The following ZNF790 variants were observed in gnomAD, a reference collection of about 807,000 sequenced individuals.
ZNF790 encodes the protein zinc finger protein 790.
ZNF790 carries 8 observed loss-of-function variants against 12.1 expected under a neutral mutation model. The observed-to-expected ratio is 0.66, with a 90% CI of 0.39 to 1.19. ZNF790 has a LOEUF of 1.19. Among genes scored for constraint, ZNF790 ranks in the 50% most tolerant of loss-of-function variants. The pLI is 0.01. For synonymous variants in ZNF790, 252 were observed against 244.3 expected, an observed-to-expected ratio of 1.03 and a Z score of -0.29; for missense variants, 707 against 752.2, an observed-to-expected ratio of 0.94 and a Z score of 0.70.
At chr19:36,833,961 G>T (rs1458227208) in intron 1 of ZNF790, among the ~76,000 whole-genome samples, 1 of 151,972 alleles carries the variant, frequency 6.6e-6, no homozygotes, top group African/African-American at 2.4e-5. Flanking sequence ...AGAGTGAATG[G>T]GCTGGTCATG....
chr19:36,823,992 C>CT (rs779735213), intron 2 of ZNF790, among the ~76,000 whole-genome samples: 2,790 of 104,316 alleles, frequency 0.027, 130 homozygotes, highest in East Asian at 0.067. Context: ...TCTACATGCT[C>CT]TTTTTTTTTT....
intron 1 of ZNF790, among the ~76,000 whole-genome samples, chr19:36,831,870 T>C (rs927271186): frequency 6.6e-6 from 1 of 151,992 alleles, no homozygotes; most frequent in African/African-American, 2.4e-5. Flanking sequence ...TGAACCAAAA[T>C]AGTAGCAAAA....
chr19:36,825,736 C>G, intron 1 of ZNF790, 44 bp from the exon 2 acceptor site: 1 of 1,125,508 alleles, frequency 8.9e-7, no homozygotes, highest in Non-Finnish European at 1.4e-6. Context: ...TCAGAGCTCT[C>G]AAAGGGACAA....
intron 1 of ZNF790, among the ~76,000 whole-genome samples, chr19:36,843,682 G>A (rs188080655): frequency 3.9e-5 from 6 of 152,218 alleles, no homozygotes; most frequent in African/African-American, 4.8e-5. Flanking sequence ...TAAGCATGCC[G>A]AGACAGGACT....
intron 1 of ZNF790, among the ~76,000 whole-genome samples, chr19:36,832,835 C>G (rs185260074): frequency 2.0e-5 from 3 of 151,988 alleles, no homozygotes; most frequent in Admixed American, 1.3e-4. Context: ...TTTGTGATAA[C>G]TGAGAGATAA....
upstream of ZNF790, among the ~76,000 whole-genome samples, chr19:36,841,246 T>C (rs1334467242): frequency 6.6e-6 from 1 of 152,116 alleles, no homozygotes; most frequent in Admixed American, 6.6e-5. Context: ...AATTATCCAG[T>C]CCCAAATAAT....
chr19:36,835,194 C>T (rs2072020931), intron 1 of ZNF790, among the ~76,000 whole-genome samples: 1 of 152,150 alleles, frequency 6.6e-6, no homozygotes, highest in Non-Finnish European at 1.5e-5. Flanking sequence ...GAGCCTGAGG[C>T]AGGAGAATTG....
At chr19:36,844,247 G>T (rs941315822) in intron 1 of ZNF790, among the ~76,000 whole-genome samples, 1 of 151,240 alleles carries the variant, frequency 6.6e-6, no homozygotes, top group African/African-American at 2.4e-5. Flanking sequence ...GGAGATTGAG[G>T]CTGCAGTGAG....
intron 1 of ZNF790, among the ~76,000 whole-genome samples, chr19:36,828,677 A>C (rs1319294820): frequency 2.0e-5 from 3 of 152,068 alleles, no homozygotes; most frequent in Non-Finnish European, 4.4e-5. Context: ...GGGGTCCGCT[A>C]TGTTGCCCAG....
At chr19:36,827,102 GTATA>G (rs771563050) in intron 1 of ZNF790, among the ~76,000 whole-genome samples, 3 of 99,520 alleles carry the variant, frequency 3.0e-5, no homozygotes, top group Non-Finnish European at 4.3e-5. Flanking sequence ...GTGTGTGTGT[GTATA>G]TATATACACA....
chr19:36,818,848 A>G lies in ZNF790; in HGVS notation c.1496T>C (p.Ile499Thr). 1 of 1,613,594 alleles carries G rather than the reference A, an allele frequency of 6.2e-7. No individual in the cohort carries two copies. Among genetic ancestry groups the G allele is most frequent in the Non-Finnish European group, 8.5e-7 (1 of 1,179,834 alleles). The part of the protein sequence containing the change: ...RGSELNRHQK[I>T]HTGKRPYECE... Reference sequence around the variant, plus strand: ...TTCATATGGCCTCTTTCCAGTATGAATTTTCTGGTGTCGATTAAGTTCTGA... The same window carrying G: ...TTCATATGGCCTCTTTCCAGTATGAGTTTTCTGGTGTCGATTAAGTTCTGA... Residue 499 changes from isoleucine to threonine, a missense_variant, in exon 5 of 5, where the codon ATT becomes ACT. Coordinates refer to ENST00000356725, the MANE Select transcript of ZNF790 (RefSeq NM_206894.4).
Position 36,823,698 on chromosome 19 carries a change from CATCACATCTCTAT to C in ZNF790, c.89_101del (p.Tyr30CysfsTer34). On this transcript the variant is annotated frameshift_variant, in exon 3 of 5. Transcript: ENST00000356725. LOFTEE classifies it high-confidence loss of function. ...AGACCATGTTGCTGTAGTTCTCCAA[CATCACATCTCTAT>C]ATAAATCCCTCTGTTCCAGGTCCAG... The C allele has an allele frequency of 5.0e-6, 8 of 1,611,096 alleles. No individual in the cohort carries two copies. The highest frequency in any genetic ancestry group is 6.8e-6 in the Non-Finnish European group (8 of 1,179,364).
At chr19:36,821,460 A>G (rs892220566) in intron 4 of ZNF790, among the ~76,000 whole-genome samples, 1 of 152,156 alleles carries the variant, frequency 6.6e-6, no homozygotes, top group Admixed American at 6.5e-5. Context: ...ATAATACGCT[A>G]TTTCTATTAA....
upstream of ZNF790, among the ~76,000 whole-genome samples, chr19:36,841,031 A>C (rs957585186): frequency 2.0e-5 from 3 of 152,298 alleles, no homozygotes; most frequent in Non-Finnish European, 2.9e-5. Context: ...AACTATCTAA[A>C]AAGGAATTTA....
At chr19:36,847,737 G>A (rs1455601687) in intron 1 of ZNF790, among the ~76,000 whole-genome samples, 1 of 143,334 alleles carries the variant, frequency 7.0e-6, no homozygotes, top group African/African-American at 2.6e-5. Context: ...GCGACAAAGA[G>A]AGACTCTGTC....
rs1311560900 is a variant in ZNF790, at chr19:36,817,511, CTA to C, written c.*920_*921del. 6.6e-6 allele frequency: 1 copy of C among 151,620 alleles called. No individual in the cohort carries two copies. The highest frequency in any genetic ancestry group is 1.5e-5 in the Non-Finnish European group (1 of 67,954). The allele number at this position is 151,620 out of a possible 1,614,324, so 9.4% of individuals were successfully genotyped here. A position where few individuals can be genotyped will look rare whatever the true frequency, so the allele number is the denominator to read the frequency against. On this transcript the variant is annotated 3_prime_UTR_variant, in exon 5 of 5. Transcript: ENST00000356725. ...ACATAAATAGAGATGACATATTTGT[CTA>C]TAATCATTATAGTCTTAAAAGTCCT...
At chr19:36,841,041 A>C (rs562423841), upstream of ZNF790, among the ~76,000 whole-genome samples, 8 of 152,302 alleles carry the variant, frequency 5.3e-5, no homozygotes, top group South Asian at 1.7e-3. Flanking sequence ...AAAGGAATTT[A>C]AAATATTATT....
chr19:36,844,965 G>T (rs546724359), intron 1 of ZNF790, among the ~76,000 whole-genome samples: 1 of 138,676 alleles, frequency 7.2e-6, no homozygotes, highest in Non-Finnish European at 1.6e-5. Context: ...GGAGAATGGC[G>T]TGAACCCGGG....
Position 36,819,471 on chromosome 19 carries a change from A to G in ZNF790, c.873T>C (p.Phe291=). 1.2e-6 allele frequency: 2 copies of G among 1,610,840 alleles called. No individual in the cohort carries two copies. The highest frequency in any genetic ancestry group is 2.2e-5 in the East Asian group (1 of 44,810). Residue 291 remains phenylalanine, a synonymous_variant, in exon 5 of 5, where the codon TTT becomes TTC. Transcript: ENST00000356725. ...GTCGAGTAAGATCTGAGCCACAACT[A>G]AAGGCCTTCCCACATTCCTTACATT... ...SYECKECGKA[F]SCGSDLTRHQ... is the part of the protein sequence containing the mutation.
Sources: gnomAD v4.1 joint callset for allele counts (sites outside exome capture counted in the v4.1 genomes callset) on GRCh38, gnomAD v4.1.1 for gene constraint, MANE v1.5 for transcripts, NCBI Gene and HGNC (gene_info 2026-07-23, HGNC 2026-07-21) for gene names.